The following PTPRD variants were observed in gnomAD, a reference collection of about 807,000 sequenced individuals.
PTPRD encodes the protein protein tyrosine phosphatase receptor type D, also known as receptor-type tyrosine-protein phosphatase delta.
PTPRD carries 34 observed loss-of-function variants against 214.5 expected under a neutral mutation model. That is an observed-to-expected ratio of 0.16 (90% CI 0.12 to 0.21). The LOEUF (loss-of-function observed/expected upper bound fraction) is 0.21, where lower values mean the gene tolerates loss of function less well. Ranked by LOEUF, PTPRD falls within the 10% of genes least tolerant of loss-of-function variation. The pLI is 1.00. For missense variants in PTPRD, 2,545 were observed against 2,398.7 expected, an observed-to-expected ratio of 1.06 and a Z score of -1.27; for synonymous variants, 1,128 against 845.7, an observed-to-expected ratio of 1.33 and a Z score of -5.79.
intron 5 of PTPRD, among the ~76,000 whole-genome samples, chr9:9,867,854 G>T (rs2064373016): frequency 6.6e-6 from 1 of 152,146 alleles, no homozygotes; most frequent in Non-Finnish European, 1.5e-5. Flanking sequence ...GACAGAAACT[G>T]AGGAGACCTT....
At chr9:8,472,542 G>C (rs2096674266) in intron 30 of PTPRD, among the ~76,000 whole-genome samples, 2 of 152,128 alleles carry the variant, frequency 1.3e-5, no homozygotes. Flanking sequence ...TAGCCCCTGG[G>C]GGCCATCGGG....
intron 11 of PTPRD, 64 bp from the exon 12 acceptor site, chr9:8,734,010 C>G (rs1015527202): frequency 6.2e-6 from 4 of 646,758 alleles, no homozygotes; most frequent in Non-Finnish European, 1.1e-5. Context: ...ATTTCTTACT[C>G]TTTCCCCCCT....
chr9:10,059,165 G>A (rs532298397), intron 3 of PTPRD, among the ~76,000 whole-genome samples: 7 of 152,122 alleles, frequency 4.6e-5, no homozygotes, highest in Admixed American at 1.3e-4. Context: ...TCAAATTTAA[G>A]ATTATTTTAG....
chr9:9,351,470 C>CA (rs527452225), intron 9 of PTPRD, among the ~76,000 whole-genome samples: 265 of 151,938 alleles, frequency 1.7e-3, no homozygotes, highest in Non-Finnish European at 2.9e-3. Context: ...TTTAGTTCTA[C>CA]AAAACGCAAA....
intron 7 of PTPRD, among the ~76,000 whole-genome samples, chr9:9,677,995 A>G (rs1016851599): frequency 1.3e-5 from 2 of 152,150 alleles, no homozygotes; most frequent in Non-Finnish European, 2.9e-5. Context: ...TAAAATACCT[A>G]GGAATTCAAC....
chr9:9,877,263 C>T (rs572721106), intron 5 of PTPRD, among the ~76,000 whole-genome samples: 14 of 152,026 alleles, frequency 9.2e-5, no homozygotes, highest in Non-Finnish European at 1.9e-4. Context: ...GATAGTGACC[C>T]AAGAACAACT....
At chr9:8,547,674 T>C (rs991332069) in intron 14 of PTPRD, among the ~76,000 whole-genome samples, 2 of 151,588 alleles carry the variant, frequency 1.3e-5, no homozygotes, top group Admixed American at 1.3e-4. Context: ...GAGTGACTAT[T>C]ATTTCTATTT....
rs151054988 is a variant in PTPRD at position 9,460,845 on chromosome 9, T to A, written c.-236-63363A>T. 3.5e-4 allele frequency among the ~76,000 whole-genome samples: 54 copies of A among 152,186 alleles called. No individual in the cohort carries two copies. In the East Asian group the frequency reaches 9.9e-3, roughly 28 times the overall value. On this transcript the variant is annotated intron_variant, in intron 8 of 45. Transcript: ENST00000381196. Reference sequence around the variant, plus strand: ...GGGTATCTACCCAAAGGAAAATAAATGATTTTATCAAAATGATACCTGCAC... The same window carrying A: ...GGGTATCTACCCAAAGGAAAATAAAAGATTTTATCAAAATGATACCTGCAC...
chr9:8,431,362 A>G (rs981845145), intron 35 of PTPRD, among the ~76,000 whole-genome samples: 2 of 152,192 alleles, frequency 1.3e-5, no homozygotes, highest in African/African-American at 4.8e-5. Context: ...TGAAAGCTCC[A>G]GAGAAGATAT....
At chr9:10,377,616 T>C (rs901693234) in intron 2 of PTPRD, among the ~76,000 whole-genome samples, 2 of 152,076 alleles carry the variant, frequency 1.3e-5, no homozygotes, top group African/African-American at 2.4e-5. Context: ...ACAAAGGACA[T>C]GAACTCATCA....
At chr9:9,041,623 C>T (rs561374887) in intron 10 of PTPRD, among the ~76,000 whole-genome samples, 27 of 152,146 alleles carry the variant, frequency 1.8e-4, no homozygotes, top group Non-Finnish European at 2.6e-4. Context: ...GGAAACAGAA[C>T]TATACCCTGA....
At chr9:9,270,057 T>G (rs1942184659) in intron 9 of PTPRD, among the ~76,000 whole-genome samples, 1 of 150,926 alleles carries the variant, frequency 6.6e-6, no homozygotes, top group Non-Finnish European at 1.5e-5. Flanking sequence ...ACTGGAAATT[T>G]GCTAAGAAAT....
chr9:9,759,151 G>T (rs1019988248), intron 6 of PTPRD, among the ~76,000 whole-genome samples: 3 of 152,148 alleles, frequency 2.0e-5, no homozygotes, highest in Non-Finnish European at 4.4e-5. Flanking sequence ...CAGGTCCCTA[G>T]CTCCTTTTTC....
intron 8 of PTPRD, among the ~76,000 whole-genome samples, chr9:9,419,992 T>C (rs16929320): frequency 0.016 from 2,480 of 151,778 alleles, 53 homozygotes; most frequent in African/African-American, 0.049. Context: ...TAAATTTTGA[T>C]GGTAAGGAAA....
chr9:8,317,049 T>TTATC lies in PTPRD; in HGVS notation c.*821_*824dup, dbSNP rs890744326. 1.9e-4 allele frequency: 44 copies of TTATC among 231,700 alleles called. No individual in the cohort carries two copies. The highest frequency in any genetic ancestry group is 9.3e-4 in the African/African-American group (42 of 45,316). 14.4% of individuals were successfully genotyped at this position (231,700 alleles called of 1,614,324 possible). On this transcript the variant is annotated 3_prime_UTR_variant, in exon 46 of 46. Transcript: ENST00000381196. ...TTCCAAAAACAAAACAAAATAATAATTATCTTTGATTATTTGAAGAGAATG... is the reference window on the plus strand; with the variant it reads ...TTCCAAAAACAAAACAAAATAATAATTATCTATCTTTGATTATTTGAAGAGAATG...
chr9:8,602,578 T>C (rs1216622137), intron 14 of PTPRD, among the ~76,000 whole-genome samples: 1 of 152,246 alleles, frequency 6.6e-6, no homozygotes, highest in Non-Finnish European at 1.5e-5. Flanking sequence ...GGAATCAGCA[T>C]GTTTTTATCT....
chr9:10,051,353 C>T (rs1240600038), intron 3 of PTPRD, among the ~76,000 whole-genome samples: 2 of 152,238 alleles, frequency 1.3e-5, no homozygotes, highest in East Asian at 3.9e-4. Context: ...CCTCTTGCAG[C>T]TAGCACATTT....
intron 2 of PTPRD, among the ~76,000 whole-genome samples, chr9:10,470,647 T>A (rs780345512): frequency 6.6e-5 from 10 of 152,066 alleles, no homozygotes; most frequent in Non-Finnish European, 1.2e-4. Flanking sequence ...TTAACAACAT[T>A]TTTGGCTTTA....
intron 2 of PTPRD, among the ~76,000 whole-genome samples, chr9:10,402,514 C>G (rs186650120): frequency 1.1e-4 from 17 of 151,730 alleles, no homozygotes; most frequent in African/African-American, 2.9e-4. Context: ...CTGAAGATTT[C>G]TGAAAAACAT....
Sources: gnomAD v4.1 joint callset for allele counts (sites outside exome capture counted in the v4.1 genomes callset) on GRCh38, gnomAD v4.1.1 for gene constraint, MANE v1.5 for transcripts, NCBI Gene and HGNC (gene_info 2026-07-23, HGNC 2026-07-21) for gene names.